HIVEP2: variants seen among roughly 807,000 people sequenced by gnomAD.
The protein encoded by HIVEP2 is transcription factor HIVEP2.
A neutral mutation model predicts 180.7 loss-of-function variants in HIVEP2; 14 were observed. That is an observed-to-expected ratio of 0.08 (90% CI 0.05 to 0.12). The LOEUF is 0.12. Ranked by LOEUF, HIVEP2 falls within the 10% of genes least tolerant of loss-of-function variation. HIVEP2 has a pLI of 1.00. For missense variants in HIVEP2, 2,579 were observed against 3,008.5 expected (o/e 0.86, Z 3.34); for synonymous variants, 1,184 against 1,136.4 (o/e 1.04, Z -0.84).
At chr6:142,893,607 G>A (rs911005439) in intron 1 of HIVEP2, among the ~76,000 whole-genome samples, 1 of 152,104 alleles carries the variant, frequency 6.6e-6, no homozygotes, top group Non-Finnish European at 1.5e-5. Flanking sequence ...TTTAATTTAG[G>A]TCTGACTTCA....
At chr6:142,842,265 A>G (rs1002670994) in intron 1 of HIVEP2, among the ~76,000 whole-genome samples, 2 of 152,208 alleles carry the variant, frequency 1.3e-5, no homozygotes, top group East Asian at 3.8e-4. Context: ...ACTTAAAATT[A>G]TAAATAAAAT....
At chr6:142,872,011 C>T (rs1776299997) in intron 1 of HIVEP2, among the ~76,000 whole-genome samples, 1 of 152,092 alleles carries the variant, frequency 6.6e-6, no homozygotes, top group South Asian at 2.1e-4. Context: ...TCAGAAAGTT[C>T]TGTGGTGTCT....
At chr6:142,882,541 G>A (rs896501134) in intron 1 of HIVEP2, among the ~76,000 whole-genome samples, 6 of 149,336 alleles carry the variant, frequency 4.0e-5, no homozygotes, top group Non-Finnish European at 8.9e-5. Context: ...TTGAGCTCAG[G>A]AAGTCAAGGC....
At chr6:142,792,791 C>A (rs1365077621) in intron 2 of HIVEP2, among the ~76,000 whole-genome samples, 2 of 151,056 alleles carry the variant, frequency 1.3e-5, no homozygotes, top group Non-Finnish European at 3.0e-5. Context: ...AAAGTGGGAA[C>A]CAAAAAGGAA....
chr6:142,753,769 G>A lies in HIVEP2; in HGVS notation c.6679C>T (p.Pro2227Ser). The stretch of plus-strand genomic sequence containing the variant: ...TGGATCCCACCAACGGGCACCATGG[G>A]GATAGGGGCTCGCACTTGTTGCTGA... ...HSQQQVRAPI[P>S]MVPVGGIQMV... is the part of the protein sequence containing the mutation. The change falls in exon 10 of 10, where the codon CCC becomes TCC. Residue 2227 changes from proline (P) to serine (S), a missense_variant. Transcript: ENST00000367603. 1 of 1,614,170 alleles carries A rather than the reference G, an allele frequency of 6.2e-7. No homozygotes were observed. The highest frequency in any genetic ancestry group is 8.5e-7 in the Non-Finnish European group (1 of 1,180,026).
chr6:142,911,593 G>T (rs1365100859), intron 1 of HIVEP2, among the ~76,000 whole-genome samples: 4 of 152,042 alleles, frequency 2.6e-5, no homozygotes, highest in African/African-American at 9.7e-5. Flanking sequence ...TTTTTGCAGG[G>T]TTCTTATTAT....
At chr6:142,899,634 T>C (rs923520185) in intron 1 of HIVEP2, among the ~76,000 whole-genome samples, 2 of 152,188 alleles carry the variant, frequency 1.3e-5, no homozygotes, top group Admixed American at 1.3e-4. Flanking sequence ...GCAGAAACAA[T>C]GAGGCAAGAA....
chr6:142,874,165 A>G (rs1247032874), intron 1 of HIVEP2, among the ~76,000 whole-genome samples: 1 of 152,212 alleles, frequency 6.6e-6, no homozygotes, highest in Non-Finnish European at 1.5e-5. Flanking sequence ...TAAAAACTCA[A>G]GTTTTTAACC....
intron 1 of HIVEP2, among the ~76,000 whole-genome samples, chr6:142,906,181 T>C (rs1182128100): frequency 6.6e-6 from 1 of 152,078 alleles, no homozygotes; most frequent in Non-Finnish European, 1.5e-5. Flanking sequence ...ACTATCTTTA[T>C]CACTGTAATT....
At chr6:142,799,285 C>T (rs968763607) in intron 2 of HIVEP2, among the ~76,000 whole-genome samples, 1 of 152,108 alleles carries the variant, frequency 6.6e-6, no homozygotes, top group Non-Finnish European at 1.5e-5. Context: ...TAATGACTAG[C>T]CATTAAATGT....
At chr6:142,882,780 G>A (rs75118440) in intron 1 of HIVEP2, among the ~76,000 whole-genome samples, 6,223 of 152,128 alleles carry the variant, frequency 0.041, 259 homozygotes, top group East Asian at 0.17. Flanking sequence ...TAACGCTGGC[G>A]TAATGTACCT....
chr6:142,816,927 A>C (rs1435885747), intron 2 of HIVEP2, among the ~76,000 whole-genome samples: 3 of 151,650 alleles, frequency 2.0e-5, no homozygotes, highest in Non-Finnish European at 2.9e-5. Context: ...CAAACACGCT[A>C]TCTCTCTCTC....
At chr6:142,919,609 A>G (rs957075267) in intron 1 of HIVEP2, among the ~76,000 whole-genome samples, 5 of 152,190 alleles carry the variant, frequency 3.3e-5, no homozygotes, top group Non-Finnish European at 5.9e-5. Context: ...TATTCTACTC[A>G]AAGACCCACT....
At chr6:142,937,164 G>T (rs1778077685) in intron 1 of HIVEP2, among the ~76,000 whole-genome samples, 1 of 152,238 alleles carries the variant, frequency 6.6e-6, no homozygotes, top group African/African-American at 2.4e-5. Flanking sequence ...GCTGAGCTCA[G>T]TGAGAAACAC....
chr6:142,844,762 G>A (rs115684693), intron 1 of HIVEP2, among the ~76,000 whole-genome samples: 2,084 of 152,034 alleles, frequency 0.014, 35 homozygotes, highest in African/African-American at 0.039. Context: ...CTTCCCTCCC[G>A]TCAATCCAAT....
chr6:142,825,321 AC>A (rs1562252765), intron 2 of HIVEP2, among the ~76,000 whole-genome samples: 6 of 151,428 alleles, frequency 4.0e-5, no homozygotes, highest in African/African-American at 1.2e-4. Flanking sequence ...CACATCACAT[AC>A]CCCCAAAAGC....
intron 1 of HIVEP2, among the ~76,000 whole-genome samples, chr6:142,937,260 C>G (rs1479107820): frequency 6.6e-6 from 1 of 152,170 alleles, no homozygotes; most frequent in Non-Finnish European, 1.5e-5. Context: ...CCATTTCAGT[C>G]AAGAGTTTAA....
intron 2 of HIVEP2, among the ~76,000 whole-genome samples, chr6:142,786,842 T>C (rs574282657): frequency 6.6e-6 from 1 of 152,298 alleles, no homozygotes; most frequent in South Asian, 2.1e-4. Flanking sequence ...GAAGGTTTCA[T>C]TGGCAGAACT....
chr6:142,862,229 C>A (rs1775996757), intron 1 of HIVEP2, among the ~76,000 whole-genome samples: 1 of 151,958 alleles, frequency 6.6e-6, no homozygotes, highest in South Asian at 2.1e-4. Context: ...GTACTAGATT[C>A]CAGATGTGAA....
Sources: gnomAD v4.1 joint callset for allele counts (sites outside exome capture counted in the v4.1 genomes callset) on GRCh38, gnomAD v4.1.1 for gene constraint, MANE v1.5 for transcripts, NCBI Gene and HGNC (gene_info 2026-07-23, HGNC 2026-07-21) for gene names.